BAZ1A: variants seen among roughly 807,000 people sequenced by gnomAD.
BAZ1A encodes the protein bromodomain adjacent to zinc finger domain protein 1A.
In BAZ1A, 50 loss-of-function variants were observed where a neutral mutation model predicts 185.2. The ratio of observed to expected loss-of-function variants is 0.27; its 90% CI spans 0.22 to 0.34. BAZ1A has a LOEUF of 0.34. Among genes scored for constraint, BAZ1A ranks in the 10% least tolerant of loss-of-function variants. The probability of loss-of-function intolerance (pLI) is 1.00; values close to 1 mark genes in which losing one functional copy is unlikely to be tolerated. For synonymous variants in BAZ1A, 571 were observed against 615.6 expected (o/e 0.93, Z 1.07); for missense variants, 1,356 against 1,839.9 (o/e 0.74, Z 4.81).
At chr14:34,828,836 C>A (rs1038114017) in intron 3 of BAZ1A, 2 of 152,100 alleles carry the variant, frequency 1.3e-5, no homozygotes, top group East Asian at 1.9e-4. Context: ...CCTGGCATTG[C>A]GGAAGCCAAA....
intron 3 of BAZ1A, among the ~76,000 whole-genome samples, chr14:34,828,389 C>A (rs1298297390): frequency 6.6e-6 from 1 of 152,056 alleles, no homozygotes; most frequent in Non-Finnish European, 1.5e-5. Flanking sequence ...TCTCCACACT[C>A]CCTCTTGTTC....
chr14:34,834,453 A>G (rs1034641623), intron 3 of BAZ1A, among the ~76,000 whole-genome samples: 2 of 152,222 alleles, frequency 1.3e-5, no homozygotes, highest in African/African-American at 4.8e-5. Context: ...CCACAGGGCT[A>G]CAATAATTTG....
chr14:34,771,167 C>CT (rs1402663625), intron 21 of BAZ1A: 1 of 181,020 alleles, frequency 5.5e-6, no homozygotes. Flanking sequence ...TAATTTTTTT[C>CT]TTTTTTAATT....
At chr14:34,760,698 C>T (rs1165159770) in intron 24 of BAZ1A, among the ~76,000 whole-genome samples, 1 of 151,488 alleles carries the variant, frequency 6.6e-6, no homozygotes, top group African/African-American at 2.4e-5. Context: ...ACAAAGAATA[C>T]AAAAGTTAGT....
chr14:34,756,113 T>G (rs8017454), intron 25 of BAZ1A, among the ~76,000 whole-genome samples: 40,800 of 141,196 alleles, frequency 0.29, 6,665 homozygotes, highest in Non-Finnish European at 0.38. Context: ...ACTGGTTTTT[T>G]TCTTTTTTTT....
intron 25 of BAZ1A, among the ~76,000 whole-genome samples, chr14:34,757,775 T>C (rs1380737560): frequency 2.6e-5 from 4 of 151,298 alleles, no homozygotes; most frequent in African/African-American, 9.7e-5. Context: ...GTTTCACTCT[T>C]GTTGCCCAGC....
chr14:34,800,248 C>G lies in BAZ1A; in HGVS notation c.1104G>C (p.Glu368Asp), dbSNP rs1773618060. Reference protein sequence around the residue: ...EERLKKKEEKERLKVEREKER... With the variant: ...EERLKKKEEKDRLKVEREKER... ...CCTTTTCTCTTTCTACTTTAAGCCT[C>G]TCTTTTTCTTCTTTTTTCTTTAGTC... Residue 368 changes from glutamate (E) to aspartate (D), a missense_variant, in exon 9 of 27, where the codon GAG becomes GAC. Physicochemically the swap from Glu to Asp is conservative, Grantham distance 45. Transcript: ENST00000360310. The G allele has an allele frequency of 7.0e-7, 1 of 1,418,870 alleles. No individual in the cohort carries two copies. Among genetic ancestry groups the G allele is most frequent in the African/African-American group, 1.5e-5 (1 of 68,088 alleles). 87.9% of individuals were successfully genotyped at this position (1,418,870 alleles called of 1,614,324 possible).
intron 4 of BAZ1A, among the ~76,000 whole-genome samples, chr14:34,818,870 A>G (rs1298985511): frequency 6.6e-6 from 1 of 152,034 alleles, no homozygotes; most frequent in Non-Finnish European, 1.5e-5. Context: ...GGCCGGGCGC[A>G]GTGGCTCAAG....
intron 9 of BAZ1A, among the ~76,000 whole-genome samples, chr14:34,799,934 T>C (rs981743307): frequency 2.6e-5 from 4 of 152,144 alleles, no homozygotes; most frequent in African/African-American, 9.7e-5. Context: ...AACTGCGTAT[T>C]TTACCTCTTA....
intron 26 of BAZ1A, among the ~76,000 whole-genome samples, chr14:34,754,159 G>C (rs8005121): frequency 6.6e-6 from 1 of 151,538 alleles, no homozygotes; most frequent in Non-Finnish European, 1.5e-5. Flanking sequence ...GGCTGAGGCA[G>C]GAGAATCACT....
intron 17 of BAZ1A, among the ~76,000 whole-genome samples, chr14:34,776,770 CTTG>C (rs1251796649): frequency 1.3e-5 from 2 of 152,238 alleles, no homozygotes; most frequent in South Asian, 2.1e-4. Flanking sequence ...CACCAGAGAT[CTTG>C]TTATCTGACA....
intron 2 of BAZ1A, among the ~76,000 whole-genome samples, chr14:34,867,227 C>A (rs992095274): frequency 2.0e-5 from 3 of 151,920 alleles, no homozygotes; most frequent in Admixed American, 6.6e-5. Flanking sequence ...CCACTGCACT[C>A]CAGCCAGGGC....
At chr14:34,758,587 C>T in intron 25 of BAZ1A, 117 bp downstream of exon 25, 1 of 1,079,138 alleles carries the variant, frequency 9.3e-7, no homozygotes, top group Non-Finnish European at 1.3e-6. Flanking sequence ...CAGGAAAAAA[C>T]AACAACAACA....
chr14:34,818,924 G>A (rs529456279), intron 4 of BAZ1A, among the ~76,000 whole-genome samples: 6 of 151,982 alleles, frequency 3.9e-5, no homozygotes, highest in African/African-American at 2.4e-5. Flanking sequence ...GGCGGATCAC[G>A]AGGTCAGGAG....
intron 4 of BAZ1A, among the ~76,000 whole-genome samples, chr14:34,822,027 G>A (rs1218364101): frequency 6.6e-6 from 1 of 152,002 alleles, no homozygotes; most frequent in East Asian, 1.9e-4. Context: ...GGGTGTGGTG[G>A]CTCACACCTG....
chr14:34,838,921 C>G (rs1002171325), intron 3 of BAZ1A, among the ~76,000 whole-genome samples: 4 of 152,080 alleles, frequency 2.6e-5, no homozygotes, highest in African/African-American at 9.7e-5. Context: ...AAAATATTAA[C>G]TCCAATTAAA....
chr14:34,770,878 C>T (rs569166765), intron 21 of BAZ1A, among the ~76,000 whole-genome samples: 13 of 152,040 alleles, frequency 8.6e-5, no homozygotes, highest in Non-Finnish European at 1.5e-4. Flanking sequence ...TATCATCAAA[C>T]TATGCCCCAA....
chr14:34,867,457 A>T (rs964731043), intron 2 of BAZ1A, among the ~76,000 whole-genome samples: 2 of 96,208 alleles, frequency 2.1e-5, no homozygotes, highest in African/African-American at 6.0e-5. Flanking sequence ...ATGCCATGGC[A>T]GGGGGACAGC....
At chr14:34,795,986 C>T (rs1030082449) in intron 9 of BAZ1A, among the ~76,000 whole-genome samples, 1 of 151,970 alleles carries the variant, frequency 6.6e-6, no homozygotes, top group Non-Finnish European at 1.5e-5. Flanking sequence ...AAAATAATAC[C>T]TATCAAAATA....
Sources: gnomAD v4.1 joint callset for allele counts (sites outside exome capture counted in the v4.1 genomes callset) on GRCh38, gnomAD v4.1.1 for gene constraint, MANE v1.5 for transcripts, NCBI Gene and HGNC (gene_info 2026-07-23, HGNC 2026-07-21) for gene names.